The following DNM3 variants were observed in gnomAD, a reference collection of about 807,000 sequenced individuals.
DNM3 encodes the protein dynamin 3.
A neutral mutation model predicts 101.6 loss-of-function variants in DNM3; 47 were observed. That is an observed-to-expected ratio of 0.46 (90% confidence interval 0.37 to 0.59). The LOEUF (loss-of-function observed/expected upper bound fraction) is 0.59, where lower values mean the gene tolerates loss of function less well. DNM3 is among the 20% of genes least tolerant of loss of function. The pLI is 0.00. For synonymous variants in DNM3, 385 were observed against 387.9 expected, an observed-to-expected ratio of 0.99 and a Z score of 0.09; for missense variants, 849 against 1,085.7, an observed-to-expected ratio of 0.78 and a Z score of 3.06.
chr1:172,095,524 C>T (rs772926988), intron 13 of DNM3, among the ~76,000 whole-genome samples: 2 of 152,140 alleles, frequency 1.3e-5, no homozygotes, highest in Admixed American at 6.5e-5. Context: ...CTTTATGAAT[C>T]TGAGCATATG....
chr1:172,412,736 G>T (rs561938473), downstream of DNM3: 14 of 985,432 alleles, frequency 1.4e-5, no homozygotes, highest in South Asian at 4.2e-4. Context: ...CCTCATTCTT[G>T]TATATATTTG....
chr1:172,014,610 G>A (rs1260962763), intron 4 of DNM3, among the ~76,000 whole-genome samples: 1 of 152,130 alleles, frequency 6.6e-6, no homozygotes, highest in African/African-American at 2.4e-5. Flanking sequence ...TGGTAAGGCT[G>A]TTCAGGTATT....
At chr1:172,086,714 G>A (rs2053557328) in intron 12 of DNM3, among the ~76,000 whole-genome samples, 1 of 152,072 alleles carries the variant, frequency 6.6e-6, no homozygotes, top group African/African-American at 2.4e-5. Context: ...GGTGACCTAT[G>A]GTGGTAGCTA....
intron 1 of DNM3, among the ~76,000 whole-genome samples, chr1:171,916,596 T>C (rs191832727): frequency 5.1e-4 from 77 of 152,324 alleles, no homozygotes; most frequent in Non-Finnish European, 6.2e-4. Context: ...GCCTTGGACT[T>C]GACATTTATT....
chr1:172,358,149 C>T (rs1349301749), intron 17 of DNM3, among the ~76,000 whole-genome samples: 1 of 152,026 alleles, frequency 6.6e-6, no homozygotes, highest in Non-Finnish European at 1.5e-5. Context: ...TAATGAATGG[C>T]TGTGTTCTTT....
chr1:172,388,468 A>C (rs928969720), intron 19 of DNM3, 105 bp from the exon 20 acceptor site: 1 of 985,704 alleles, frequency 1.0e-6, no homozygotes, highest in South Asian at 1.6e-5. Flanking sequence ...GGACTTATTC[A>C]GTCAAAAAAT....
intron 14 of DNM3, among the ~76,000 whole-genome samples, chr1:172,174,469 A>G (rs1441972909): frequency 2.0e-5 from 3 of 151,698 alleles, no homozygotes; most frequent in Non-Finnish European, 4.4e-5. Context: ...GCTACATCTG[A>G]GACTTGGATA....
chr1:172,140,314 G>A (rs2057500966), intron 14 of DNM3: 1 of 151,550 alleles, frequency 6.6e-6, no homozygotes, highest in African/African-American at 2.4e-5. Flanking sequence ...TTCGAGTAAA[G>A]GAACTTTTTT....
At chr1:172,390,538 C>T (rs577502901) in intron 20 of DNM3, among the ~76,000 whole-genome samples, 38 of 152,288 alleles carry the variant, frequency 2.5e-4, no homozygotes, top group African/African-American at 8.2e-4. Context: ...ATTTCAGTTG[C>T]AGTCCCCAGT....
At chr1:171,996,404 A>G (rs1167449311) in intron 4 of DNM3, among the ~76,000 whole-genome samples, 1 of 152,064 alleles carries the variant, frequency 6.6e-6, no homozygotes, top group Non-Finnish European at 1.5e-5. Context: ...GTGAGATCCT[A>G]TTTTGGGGTA....
intron 15 of DNM3, among the ~76,000 whole-genome samples, chr1:172,306,432 T>C (rs2064819105): frequency 6.6e-6 from 1 of 152,152 alleles, no homozygotes; most frequent in African/African-American, 2.4e-5. Context: ...AGAATCAATA[T>C]TTTGAAAATG....
At chr1:172,327,730 T>C (rs9425288) in intron 17 of DNM3, among the ~76,000 whole-genome samples, 83,794 of 151,796 alleles carry the variant, frequency 0.55, 24,157 homozygotes, top group African/African-American at 0.72. Flanking sequence ...AGGAACACCG[T>C]CCCCCACCAC....
intron 1 of DNM3, among the ~76,000 whole-genome samples, chr1:171,912,649 C>A (rs1376242545): frequency 6.6e-6 from 1 of 152,112 alleles, no homozygotes; most frequent in Non-Finnish European, 1.5e-5. Flanking sequence ...GAAATCAGAA[C>A]CTTTTAAAGG....
intron 14 of DNM3, among the ~76,000 whole-genome samples, chr1:172,197,176 A>C (rs1221194865): frequency 1.3e-5 from 2 of 151,904 alleles, no homozygotes; most frequent in Non-Finnish European, 2.9e-5. Flanking sequence ...TCTTTTCCCC[A>C]TTGCTTCTTT....
intron 14 of DNM3, among the ~76,000 whole-genome samples, chr1:172,181,425 A>T (rs2059341746): frequency 6.7e-6 from 1 of 149,344 alleles, no homozygotes; most frequent in South Asian, 2.1e-4. Flanking sequence ...TATTTCTGGT[A>T]GGCGTGGAGA....
chr1:172,364,536 T>A (rs920320564), intron 17 of DNM3, among the ~76,000 whole-genome samples: 13 of 151,820 alleles, frequency 8.6e-5, no homozygotes, highest in South Asian at 4.2e-4. Context: ...CAAAAAAAAA[T>A]TTTTAATAAC....
intron 13 of DNM3, among the ~76,000 whole-genome samples, chr1:172,105,951 A>G (rs190782021): frequency 1.3e-5 from 2 of 152,298 alleles, no homozygotes; most frequent in Admixed American, 1.3e-4. Flanking sequence ...AGTAGTTTTA[A>G]AAATTCAATT....
chr1:171,978,362 C>T (rs1312533946), intron 2 of DNM3, among the ~76,000 whole-genome samples: 1 of 152,150 alleles, frequency 6.6e-6, no homozygotes, highest in African/African-American at 2.4e-5. Context: ...GAAGGAGCCA[C>T]ACATGCAGAG....
intron 10 of DNM3, among the ~76,000 whole-genome samples, chr1:172,054,280 T>C (rs1243927933): frequency 6.6e-6 from 1 of 152,232 alleles, no homozygotes; most frequent in East Asian, 1.9e-4. Flanking sequence ...CCTGGGGAAA[T>C]GCATTTCTTC....
Sources: gnomAD v4.1 joint callset for allele counts (sites outside exome capture counted in the v4.1 genomes callset) on GRCh38, gnomAD v4.1.1 for gene constraint, MANE v1.5 for transcripts, NCBI Gene and HGNC (gene_info 2026-07-23, HGNC 2026-07-21) for gene names.